The following TGFBI variants were observed in gnomAD, a reference collection of about 807,000 sequenced individuals.
The protein encoded by TGFBI is transforming growth factor beta induced, also known as transforming growth factor-beta-induced protein ig-h3.
A neutral mutation model predicts 73.7 loss-of-function variants in TGFBI; 50 were observed. The ratio of observed to expected loss-of-function variants is 0.68; its 90% CI spans 0.54 to 0.86. The LOEUF is 0.86. Ranked by LOEUF, TGFBI falls within the 40% of genes least tolerant of loss-of-function variation. The probability of loss-of-function intolerance (pLI) is 0.00; values close to 1 mark genes in which losing one functional copy is unlikely to be tolerated. For synonymous variants in TGFBI, 362 were observed against 360.5 expected, an observed-to-expected ratio of 1.00 and a Z score of -0.05; for missense variants, 839 against 877.0, an observed-to-expected ratio of 0.96 and a Z score of 0.55.
intron 1 of TGFBI, among the ~76,000 whole-genome samples, chr5:136,031,121 G>C (rs1580706502): frequency 1.3e-5 from 2 of 152,242 alleles, no homozygotes; most frequent in Non-Finnish European, 2.9e-5. Flanking sequence ...GTGATGGGCA[G>C]AGTAATCTAA....
intron 8 of TGFBI, 66 bp downstream of exon 8, chr5:136,053,185 C>A: frequency 2.0e-6 from 3 of 1,491,448 alleles, no homozygotes; most frequent in South Asian, 1.2e-5. Context: ...TCCTTTGTGG[C>A]GGGGGAGGGG....
chr5:136,063,209 G>A lies in TGFBI; in HGVS notation c.2035G>A (p.Glu679Lys). ...RLAPVYQKLL[E>K]RMKH ...AGCCCCTGTCTATCAAAAGTTATTA[G>A]AGAGGATGAAGCATTAGCTTGAAGC... The change falls in exon 17 of 17, where the codon GAG becomes AAG. Residue 679 changes from glutamate to lysine, a missense_variant. Physicochemically the swap from Glu to Lys is moderately conservative, Grantham distance 56 (BLOSUM62 1). Coordinates refer to ENST00000442011, the MANE Select transcript of TGFBI (RefSeq NM_000358.3). 4 of 1,613,856 alleles carry A rather than the reference G, an allele frequency of 2.5e-6. No individual in the cohort carries two copies. The highest frequency in any genetic ancestry group is 2.5e-6 in the Non-Finnish European group (3 of 1,179,804).
chr5:136,042,666 G>A (rs1016249677), intron 2 of TGFBI, among the ~76,000 whole-genome samples: 15 of 138,742 alleles, frequency 1.1e-4, no homozygotes, highest in African/African-American at 4.1e-4. Flanking sequence ...GGAGGAGGAA[G>A]CAAACAGGAA....
At chr5:136,033,687 G>A (rs1453312627) in intron 1 of TGFBI, 76 bp from the exon 2 acceptor site, 1 of 1,235,564 alleles carries the variant, frequency 8.1e-7, no homozygotes, top group African/African-American at 1.5e-5. Context: ...GACCCAAGGA[G>A]GCAAACACGA....
At position 136,063,537 on chromosome 5, in the gene TGFBI, A is replaced by T. The variant is rs1400523185; in HGVS notation, c.*311A>T. 6.5e-5 allele frequency: 23 copies of T among 354,712 alleles called. No individual in the cohort carries two copies. The Admixed American group carries it at 8.4e-4, about 13-fold the overall frequency. The allele number at this position is 354,712 out of a possible 1,614,324, so 22.0% of individuals were successfully genotyped here. A position where few individuals can be genotyped will look rare whatever the true frequency, so the allele number is the denominator to read the frequency against. On this transcript the variant is annotated 3_prime_UTR_variant, in exon 17 of 17. Coordinates refer to ENST00000442011, the MANE Select transcript of TGFBI (RefSeq NM_000358.3). ...GACTGCCTATGCCAAGTCCCTGGAAAAGGAGCTTCAGTATTGTGGGGCTCA... is the reference window on the plus strand; with the variant it reads ...GACTGCCTATGCCAAGTCCCTGGAATAGGAGCTTCAGTATTGTGGGGCTCA...
chr5:136,047,224 A>T (rs773073495), intron 5 of TGFBI, 50 bp from the exon 6 acceptor site: 5 of 1,604,870 alleles, frequency 3.1e-6, no homozygotes, highest in Non-Finnish European at 4.3e-6. Context: ...GGGCTTTGGG[A>T]CTATGCCTCT....
At chr5:136,032,250 C>A (rs1421689537) in intron 1 of TGFBI, among the ~76,000 whole-genome samples, 2 of 152,166 alleles carry the variant, frequency 1.3e-5, no homozygotes, top group Non-Finnish European at 1.5e-5. Flanking sequence ...GCCTTCACTT[C>A]TCTTGTCCCT....
At chr5:136,050,598 T>C (rs1002755928) in intron 7 of TGFBI, among the ~76,000 whole-genome samples, 6 of 152,220 alleles carry the variant, frequency 3.9e-5, no homozygotes, top group African/African-American at 1.4e-4. Context: ...TCCCCTGAAA[T>C]GCAGGGTACG....
intron 1 of TGFBI, among the ~76,000 whole-genome samples, chr5:136,029,546 G>T (rs1751077965): frequency 6.6e-6 from 1 of 152,236 alleles, no homozygotes; most frequent in African/African-American, 2.4e-5. Context: ...CACCGTGGGA[G>T]GGTGCCAAGG....
Position 136,046,388 on chromosome 5 carries a change from A to G in TGFBI, c.352A>G (p.Thr118Ala). 6.2e-7 allele frequency: 1 copy of G among 1,613,512 alleles called. No homozygotes were observed. The highest frequency in any genetic ancestry group is 1.1e-5 in the South Asian group (1 of 91,038). Residue 118 changes from threonine (T) to alanine (A), a missense_variant, in exon 4 of 17, where the codon ACT becomes GCT. By Grantham distance (58) the Thr-to-Ala change is moderately conservative. Coordinates refer to ENST00000442011, the MANE Select transcript of TGFBI (RefSeq NM_000358.3). ...CCTGGGAGTCGTTGGATCCACCACC[A>G]CTCAGCTGTACACGGACCGCACGGA... is the stretch of plus-strand genomic sequence containing the variant. ...ETLGVVGSTT[T>A]QLYTDRTEKL...
In TGFBI at chr5:136,063,538, A is replaced by G; in HGVS notation, c.*312A>G. ...ACTGCCTATGCCAAGTCCCTGGAAA[A>G]GGAGCTTCAGTATTGTGGGGCTCAT... On this transcript the variant is annotated 3_prime_UTR_variant, in exon 17 of 17. Coordinates refer to ENST00000442011, the MANE Select transcript of TGFBI (RefSeq NM_000358.3). The G allele has an allele frequency of 2.8e-6, 1 of 353,682 alleles. No individual in the cohort carries two copies. Among genetic ancestry groups the G allele is most frequent in the East Asian group, 5.6e-5 (1 of 17,924 alleles). The allele number at this position is 353,682 out of a possible 1,614,324, so 21.9% of individuals were successfully genotyped here.
intron 7 of TGFBI, among the ~76,000 whole-genome samples, chr5:136,050,340 A>G (rs1216958739): frequency 6.6e-6 from 1 of 152,062 alleles, no homozygotes; most frequent in Non-Finnish European, 1.5e-5. Flanking sequence ...TCAAGAAAAA[A>G]AAAAAAAAAA....
chr5:136,053,999 T>C lies in TGFBI; in HGVS notation c.1183T>C (p.Phe395Leu), dbSNP rs1751582698. Residue 395 changes from phenylalanine (F) to leucine (L), a missense_variant, in exon 9 of 17, where the codon TTC becomes CTC. Transcript: ENST00000442011. ...ESDVSTAIDL[F>L]RQAGLGNHLS... ...TGATGTGTCCACAGCCATTGACCTTTTCAGACAAGCCGGCCTCGGCAATCA... is the reference window on the plus strand; with the variant it reads ...TGATGTGTCCACAGCCATTGACCTTCTCAGACAAGCCGGCCTCGGCAATCA... 2.5e-6 allele frequency: 4 copies of C among 1,613,954 alleles called. No individual in the cohort carries two copies. The Admixed American group carries it at 6.7e-5, about 27-fold the overall frequency.
chr5:136,053,510 T>A (rs41328747), intron 8 of TGFBI, among the ~76,000 whole-genome samples: 7,921 of 152,306 alleles, frequency 0.052, 646 homozygotes, highest in African/African-American at 0.17. Flanking sequence ...TTGGCTTGTG[T>A]CTCATTAGGA....
At chr5:136,039,497 C>T (rs528653092) in intron 2 of TGFBI, among the ~76,000 whole-genome samples, 4 of 152,182 alleles carry the variant, frequency 2.6e-5, no homozygotes, top group Admixed American at 2.0e-4. Flanking sequence ...GTCCCAGAGA[C>T]AAGGCCTCCT....
chr5:136,037,306 T>C (rs1249384967), intron 2 of TGFBI, among the ~76,000 whole-genome samples: 1 of 152,222 alleles, frequency 6.6e-6, no homozygotes, highest in Non-Finnish European at 1.5e-5. Flanking sequence ...CAATGGCTAA[T>C]CAAACAAAGA....
intron 7 of TGFBI, 60 bp from the exon 8 acceptor site, chr5:136,052,845 AGT>A: frequency 6.6e-7 from 1 of 1,513,120 alleles, no homozygotes; most frequent in Non-Finnish European, 9.1e-7. Flanking sequence ...GCAGGCTGCA[AGT>A]GGTCCCTGAG....
rs1381023273 is a variant in TGFBI at position 136,054,783 on chromosome 5, G to A, written c.1332G>A (p.Leu444=). ...GGAACCACATAATTAAAGACCAGCT[G>A]GCCTCTAAGTATCTGTACCATGGAC... ...LLRNHIIKDQ[L]ASKYLYHGQT... The change falls in exon 10 of 17, where the codon CTG becomes CTA. Residue 444 remains leucine, a synonymous_variant. Transcript: ENST00000442011. 2 of 1,613,898 alleles carry A rather than the reference G, an allele frequency of 1.2e-6. No homozygotes were observed. The highest frequency in any genetic ancestry group is 4.5e-5 in the East Asian group (2 of 44,868).
Position 136,029,002 on chromosome 5 carries a change from G to A in TGFBI, c.-54G>A. On this transcript the variant is annotated 5_prime_UTR_variant, in exon 1 of 17. Transcript: ENST00000442011. ...GCGGAGGCGCTCTCACTTCCCTGGA[G>A]CCGCCCGCTTGCCCGTCGGTCGCTA... is the stretch of plus-strand genomic sequence containing the variant. 4.0e-6 allele frequency: 6 copies of A among 1,505,082 alleles called. No homozygotes were observed. Among genetic ancestry groups the A allele is most frequent in the Admixed American group, 2.0e-5 (1 of 48,852 alleles). 93.2% of individuals were successfully genotyped at this position (1,505,082 alleles called of 1,614,324 possible). A position where few individuals can be genotyped will look rare whatever the true frequency, so the allele number is the denominator to read the frequency against.
Sources: allele counts gnomAD v4.1 joint callset (sites outside exome capture counted in the v4.1 genomes callset), GRCh38; gene constraint gnomAD v4.1.1; transcripts MANE v1.5; gene names NCBI Gene and HGNC (gene_info 2026-07-23, HGNC 2026-07-21).